The following NBPF20 variants were observed in gnomAD, a reference collection of about 807,000 sequenced individuals.
NBPF20 encodes the protein NBPF member 20, also known as NBPF family member NBPF20.
Under a neutral mutation model 68.1 loss-of-function variants are expected in NBPF20, and 90 were observed. That is an observed-to-expected ratio of 1.32 (90% CI 1.11 to 1.58). The LOEUF (loss-of-function observed/expected upper bound fraction) is 1.58. NBPF20 is among the 40% of genes most tolerant of loss of function. The pLI is 0.00. For missense variants in NBPF20, 816 were observed against 601.2 expected, an observed-to-expected ratio of 1.36 and a Z score of -3.74; for synonymous variants, 290 against 228.1, an observed-to-expected ratio of 1.27 and a Z score of -2.45.
At chr1:145,397,308 G>A (rs1662298312) in intron 7 of NBPF20, among the ~76,000 whole-genome samples, 1 of 151,914 alleles carries the variant, frequency 6.6e-6, no homozygotes, top group African/African-American at 2.4e-5. Context: ...TGGGTCAAAT[G>A]GTATTTCTAG....
At chr1:145,410,804 G>GTATATATATACGTATATATATA in the NBPF20 span, among the ~76,000 whole-genome samples, 1 of 72,992 alleles carries the variant, frequency 1.4e-5, no homozygotes, top group Admixed American at 1.8e-4. Flanking sequence ...ATACGTATAT[G>GTATATATATACGTATATATATA]TATATATATA....
chr1:145,411,305 TTC>T, the NBPF20 span, among the ~76,000 whole-genome samples: 1 of 151,162 alleles, frequency 6.6e-6, no homozygotes, highest in African/African-American at 2.4e-5. Context: ...ACTAATTTAG[TTC>T]TTTCATAATT....
At chr1:145,404,742 T>A (rs1314338241) in intron 2 of NBPF20, among the ~76,000 whole-genome samples, 3 of 152,084 alleles carry the variant, frequency 2.0e-5, no homozygotes, top group Non-Finnish European at 2.9e-5. Flanking sequence ...TCACTAGTCC[T>A]AGACATTTAG....
At chr1:145,402,744 C>T (rs1217446985) in intron 3 of NBPF20, among the ~76,000 whole-genome samples, 2,422 of 148,720 alleles carry the variant, frequency 0.016, 154 homozygotes, top group Admixed American at 0.12. Flanking sequence ...AGATACAAAG[C>T]TATGTACAGA....
the NBPF20 span, among the ~76,000 whole-genome samples, chr1:145,425,536 C>A: frequency 2.0e-5 from 3 of 152,230 alleles, no homozygotes; most frequent in African/African-American, 7.2e-5. Flanking sequence ...AATATCGCCG[C>A]TGTCTCAACC....
chr1:145,404,546 G>C (rs201208714), intron 2 of NBPF20, among the ~76,000 whole-genome samples: 10 of 152,048 alleles, frequency 6.6e-5, no homozygotes, highest in African/African-American at 9.7e-5. Context: ...AGTGAGCCAC[G>C]TTGCACGGCC....
chr1:145,422,649 T>A, the NBPF20 span, among the ~76,000 whole-genome samples: 1 of 152,138 alleles, frequency 6.6e-6, no homozygotes, highest in African/African-American at 2.4e-5. Context: ...AAGAATAGTC[T>A]TTTCAATAAA....
intron 6 of NBPF20, among the ~76,000 whole-genome samples, chr1:145,399,941 A>T (rs1242500719): frequency 6.6e-5 from 10 of 152,066 alleles, no homozygotes; most frequent in Non-Finnish European, 1.2e-4. Context: ...CTGTGCAGCT[A>T]AGCAAGCTGA....
At chr1:145,404,444 A>G (rs1340497976) in intron 2 of NBPF20, among the ~76,000 whole-genome samples, 1 of 151,962 alleles carries the variant, frequency 6.6e-6, no homozygotes, top group African/African-American at 2.4e-5. Flanking sequence ...TTTTTAGTGG[A>G]GATGGGGTTT....
At chr1:145,405,188 C>T (rs868919329) in exon 2 of NBPF20, 126 of 1,612,856 alleles carry the variant, frequency 7.8e-5, no homozygotes, top group Admixed American at 1.7e-4. Flanking sequence ...TTGTTCTCTG[C>T]CAACTGGGGG....
chr1:145,400,870 C>T lies in NBPF20; in HGVS notation c.566+189G>A, dbSNP rs1279564038. 5.9e-5 allele frequency among the ~76,000 whole-genome samples: 9 copies of T among 151,876 alleles called. 1 individual carries two copies. The South Asian group carries it at 1.2e-3, about 21-fold the overall frequency. ...CTCAGCTATCCCTGTACGGTGCAGACGTGACACTCGGCACACACAGAGAAA... is the reference window on the plus strand; with the variant it reads ...CTCAGCTATCCCTGTACGGTGCAGATGTGACACTCGGCACACACAGAGAAA... On this transcript the variant is annotated intron_variant, in intron 5 of 137. Coordinates refer to ENST00000369373, the Ensembl canonical transcript of NBPF20.
upstream of NBPF20, among the ~76,000 whole-genome samples, chr1:145,409,917 A>G (rs1662940757): frequency 6.6e-6 from 1 of 151,696 alleles, no homozygotes; most frequent in African/African-American, 2.4e-5. Flanking sequence ...CAGTTGCAGA[A>G]GTCAAAACTC....
chr1:145,394,767 C>T (rs1662135683), intron 8 of NBPF20, among the ~76,000 whole-genome samples: 1 of 152,078 alleles, frequency 6.6e-6, no homozygotes, highest in Non-Finnish European at 1.5e-5. Context: ...ACGGGCATGG[C>T]CTGAGACTAG....
intron 61 of NBPF20, among the ~76,000 whole-genome samples, chr1:145,352,314 C>T (rs1371032425): frequency 1.1e-5 from 1 of 91,060 alleles, no homozygotes; most frequent in African/African-American, 4.1e-5. Flanking sequence ...CACACACACA[C>T]ACACACACAC....
chr1:145,402,576 T>C (rs1246692832), intron 3 of NBPF20, among the ~76,000 whole-genome samples, 195 bp from the exon 9 acceptor site: 1 of 151,942 alleles, frequency 6.6e-6, no homozygotes, highest in Non-Finnish European at 1.5e-5. Flanking sequence ...CAGAGAGGGC[T>C]CTTGCAAGAT....
chr1:145,405,434 C>G (rs1553666991), exon 1 of NBPF20: 7 of 1,576,674 alleles, frequency 4.4e-6, no homozygotes, highest in Non-Finnish European at 5.2e-6. Context: ...TGATCACTCC[C>G]CACAGCACTT....
intron 9 of NBPF20, 56 bp from the exon 15 acceptor site, chr1:145,393,302 C>T (rs1296947983): frequency 1.9e-5 from 13 of 675,066 alleles, no homozygotes; most frequent in African/African-American, 9.2e-5. Context: ...AACCACACAG[C>T]CCCAGCTAGA....
At chr1:145,409,796 G>A (rs1250946309), upstream of NBPF20, among the ~76,000 whole-genome samples, 1 of 151,822 alleles carries the variant, frequency 6.6e-6, no homozygotes, top group Non-Finnish European at 1.5e-5. Flanking sequence ...TATGTATTTA[G>A]ATGAATGCAC....
Position 145,311,917 on chromosome 1 carries a change from G to A in NBPF20, c.13660+291C>T, listed in dbSNP as rs1321777908. Among the ~76,000 whole-genome samples the A allele has an allele frequency of 1.4e-4, 16 of 111,706 alleles. 2 individuals carry two copies. The highest frequency in any genetic ancestry group is 5.2e-3 in the Middle Eastern group (1 of 192). 73.3% of individuals were successfully genotyped at this position (111,706 alleles called of 152,430 possible). On this transcript the variant is annotated intron_variant, in intron 112 of 137. Transcript: ENST00000369373. ...AAATCTACAAGATCTACAAAATTCA[G>A]ACAAAATCAGAGTTGTGTGAATTTG...
Sources: allele counts gnomAD v4.1 joint callset (sites outside exome capture counted in the v4.1 genomes callset), GRCh38; gene constraint gnomAD v4.1.1; transcripts MANE v1.5; gene names NCBI Gene and HGNC (gene_info 2026-07-23, HGNC 2026-07-21).